PDE6A: variants seen among roughly 807,000 people sequenced by gnomAD.
PDE6A encodes rod cGMP-specific 3',5'-cyclic phosphodiesterase subunit alpha.
A neutral mutation model predicts 106.3 loss-of-function variants in PDE6A; 84 were observed. The ratio of observed to expected loss-of-function variants is 0.79; its 90% CI spans 0.66 to 0.95. PDE6A has a LOEUF of 0.95. Ranked by LOEUF, PDE6A falls within the 40% of genes least tolerant of loss-of-function variation. The pLI is 0.00. For missense variants in PDE6A, 1,052 were observed against 1,084.9 expected, an observed-to-expected ratio of 0.97 and a Z score of 0.43; for synonymous variants, 394 against 386.6, an observed-to-expected ratio of 1.02 and a Z score of -0.23.
chr5:149,919,920 C>T (rs912536873), intron 5 of PDE6A, among the ~76,000 whole-genome samples: 3 of 151,868 alleles, frequency 2.0e-5, no homozygotes, highest in Non-Finnish European at 2.9e-5. Flanking sequence ...GTGAGGCTTT[C>T]GACCTAAGAT....
At chr5:149,876,491 C>T (rs1436880409) in intron 17 of PDE6A, among the ~76,000 whole-genome samples, 1 of 151,600 alleles carries the variant, frequency 6.6e-6, no homozygotes, top group Non-Finnish European at 1.5e-5. Context: ...AAGTAGCGTG[C>T]ACCACCGTAC....
At chr5:149,927,261 G>A (rs774765497) in intron 4 of PDE6A, among the ~76,000 whole-genome samples, 13 of 152,106 alleles carry the variant, frequency 8.5e-5, no homozygotes, top group Admixed American at 2.0e-4. Flanking sequence ...TGGAGCCTGC[G>A]GGACTGAGAG....
At chr5:149,897,342 T>C (rs1469263407) in intron 10 of PDE6A, among the ~76,000 whole-genome samples, 3 of 152,232 alleles carry the variant, frequency 2.0e-5, no homozygotes, top group Non-Finnish European at 4.4e-5. Flanking sequence ...TACTTGCTCC[T>C]GATTTCTTGA....
rs771944994 is a variant in PDE6A, at chr5:149,908,676, CTCATTTTTT to C, written c.999-1307_999-1299del. Among the ~76,000 whole-genome samples the C allele has an allele frequency of 6.6e-3, 1,003 of 152,118 alleles. 32 individuals carry two copies. Among genetic ancestry groups the C allele is most frequent in the Admixed American group, 0.044 (673 of 15,270 alleles). On this transcript the variant is annotated intron_variant, in intron 6 of 21. Transcript: ENST00000255266. Reference sequence around the variant, plus strand: ...AAAATTACTTTTAAATTTACTTTTACTCATTTTTTGTTCCTTAAATACTACTTTTACTCA... The same window carrying C: ...AAAATTACTTTTAAATTTACTTTTACGTTCCTTAAATACTACTTTTACTCA...
intron 7 of PDE6A, among the ~76,000 whole-genome samples, chr5:149,904,959 G>A (rs1753129283): frequency 6.6e-6 from 1 of 152,118 alleles, no homozygotes; most frequent in South Asian, 2.1e-4. Context: ...CCACTACTCA[G>A]CAAACCACAT....
chr5:149,943,128 C>CCATA (rs1321695774), intron 1 of PDE6A, among the ~76,000 whole-genome samples: 1 of 152,114 alleles, frequency 6.6e-6, no homozygotes, highest in African/African-American at 2.4e-5. Flanking sequence ...AAACCTTGGA[C>CCATA]CATACCCAGG....
intron 6 of PDE6A, among the ~76,000 whole-genome samples, chr5:149,910,942 C>T (rs75491739): frequency 0.11 from 13,595 of 126,012 alleles, 814 homozygotes; most frequent in Middle Eastern, 0.2. Context: ...TGCAGTGGTG[C>T]GATCATGGCT....
chr5:149,861,322 G>A (rs1017449003), intron 21 of PDE6A, among the ~76,000 whole-genome samples: 4 of 152,202 alleles, frequency 2.6e-5, no homozygotes, highest in South Asian at 4.1e-4. Flanking sequence ...ATGATAGACT[G>A]GTGTGGCCAG....
At chr5:149,892,906 T>C (rs1323768090) in intron 13 of PDE6A, among the ~76,000 whole-genome samples, 1 of 152,224 alleles carries the variant, frequency 6.6e-6, no homozygotes, top group Non-Finnish European at 1.5e-5. Context: ...TGGATTGCCT[T>C]GGTCAAAGGT....
intron 6 of PDE6A, 51 bp from the exon 7 acceptor site, chr5:149,907,429 C>T (rs1753233747): frequency 2.0e-6 from 3 of 1,468,662 alleles, no homozygotes; most frequent in Non-Finnish European, 2.9e-6. Flanking sequence ...GATTGCTGGA[C>T]TAAAGACTAA....
Position 149,860,950 on chromosome 5 carries a change from C to G in PDE6A, c.2528G>C (p.Gly843Ala). 1.2e-6 allele frequency: 2 copies of G among 1,614,158 alleles called. No homozygotes were observed. Among genetic ancestry groups the G allele is most frequent in the East Asian group, 4.5e-5 (2 of 44,884 alleles). Residue 843 changes from glycine to alanine, a missense_variant, in exon 22 of 22, where the codon GGG becomes GCG. Coordinates refer to ENST00000255266, the MANE Select transcript of PDE6A (RefSeq NM_000440.3). The stretch of plus-strand genomic sequence containing the variant: ...TGCACCCCCTGGGCTGGGGTTTCCC[C>G]CCGGCTGATTTCCTGCGGCTGCTGC... ...AKSAAAGNQP[G>A]GNPSPGGATT...
In PDE6A at chr5:149,863,745, T is replaced by G. The variant is rs1342169269; in HGVS notation, c.2359-479A>C. 2.0e-5 allele frequency among the ~76,000 whole-genome samples: 3 copies of G among 152,066 alleles called. No individual in the cohort carries two copies. The highest frequency in any genetic ancestry group is 1.5e-5 in the Non-Finnish European group (1 of 67,992). On this transcript the variant is annotated intron_variant, in intron 20 of 21. Transcript: ENST00000255266. The surrounding 1 kb of genome is among the most constrained non-coding windows in gnomAD (Gnocchi z 4.7). Reference sequence around the variant, plus strand: ...CTCAACCCATCCTCCCACCTCAGCCTCCCAAGTAGCTGGAACTACAGGCTC... The same window carrying G: ...CTCAACCCATCCTCCCACCTCAGCCGCCCAAGTAGCTGGAACTACAGGCTC...
intron 19 of PDE6A, chr5:149,866,586 GCTC>G: frequency 3.5e-6 from 1 of 286,848 alleles, no homozygotes. Context: ...GAGGCAGTAT[GCTC>G]CTTGATTAGA....
rs1030069438 is a variant in PDE6A at position 149,931,008 on chromosome 5, T to G, written c.858+20A>C. 1 of 1,613,200 alleles carries G rather than the reference T, an allele frequency of 6.2e-7. No individual in the cohort carries two copies. Among genetic ancestry groups the G allele is most frequent in the African/African-American group, 1.3e-5 (1 of 74,920 alleles). ...TGTTTAATCTTTTCTTGGAAATGTC[T>G]GTTGCTGAAGTTTTCTCACCTTCTG... On this transcript the variant is annotated intron_variant, in intron 4 of 21. Coordinates refer to ENST00000255266, the MANE Select transcript of PDE6A (RefSeq NM_000440.3).
At chr5:149,877,630 G>A (rs959468307) in intron 17 of PDE6A, among the ~76,000 whole-genome samples, 4 of 152,010 alleles carry the variant, frequency 2.6e-5, no homozygotes, top group Admixed American at 6.6e-5. Context: ...GACTGGTCTC[G>A]AACTCCTGAC....
chr5:149,890,827 T>C (rs970716822), intron 13 of PDE6A, among the ~76,000 whole-genome samples: 4 of 152,204 alleles, frequency 2.6e-5, no homozygotes, highest in African/African-American at 9.6e-5. Context: ...TAAAAAATAA[T>C]TGAAAATTAA....
At chr5:149,903,167 AAC>A (rs1201615317) in intron 8 of PDE6A, among the ~76,000 whole-genome samples, 1 of 149,870 alleles carries the variant, frequency 6.7e-6, no homozygotes, top group African/African-American at 2.4e-5. Flanking sequence ...AAAAAAAAAA[AAC>A]AAAAGAAAAC....
At chr5:149,938,127 G>T (rs1754234662) in intron 1 of PDE6A, among the ~76,000 whole-genome samples, 1 of 152,204 alleles carries the variant, frequency 6.6e-6, no homozygotes, top group African/African-American at 2.4e-5. Flanking sequence ...ATGTGAAGCA[G>T]ACCACGCTGG....
Position 149,895,220 on chromosome 5 carries a change from C to G in PDE6A, c.1691G>C (p.Gly564Ala). Residue 564 changes from glycine (G) to alanine (A), a missense_variant, in exon 13 of 22, where the codon GGC becomes GCC. Transcript: ENST00000255266. Reference protein sequence around the residue: ...RKITYHNWRHGFNVGQTMFSL... With the variant: ...RKITYHNWRHAFNVGQTMFSL... Reference sequence around the variant, plus strand: ...GAACATGGTCTGCCCCACGTTGAAGCCGTGCCGCCAGTTGTGGTAGGTGAT... The same window carrying G: ...GAACATGGTCTGCCCCACGTTGAAGGCGTGCCGCCAGTTGTGGTAGGTGAT... 6.2e-7 allele frequency: 1 copy of G among 1,614,078 alleles called. No homozygotes were observed. Among genetic ancestry groups the G allele is most frequent in the Non-Finnish European group, 8.5e-7 (1 of 1,179,918 alleles).
Sources: allele counts gnomAD v4.1 joint callset (sites outside exome capture counted in the v4.1 genomes callset), GRCh38; gene constraint gnomAD v4.1.1; non-coding constraint Gnocchi (gnomAD v3.1); transcripts MANE v1.5; gene names NCBI Gene and HGNC (gene_info 2026-07-23, HGNC 2026-07-21).